The following MDGA2 variants were observed in gnomAD, a reference collection of about 807,000 sequenced individuals.
MDGA2 encodes MAM domain containing glycosylphosphatidylinositol anchor 2.
Under a neutral mutation model 117.8 loss-of-function variants are expected in MDGA2, and 40 were observed. The ratio of observed to expected loss-of-function variants is 0.34; its 90% CI spans 0.26 to 0.44. The LOEUF is 0.44. Ranked by LOEUF, MDGA2 falls within the 20% of genes least tolerant of loss-of-function variation. The pLI is 1.00. For synonymous variants in MDGA2, 452 were observed against 439.0 expected, an observed-to-expected ratio of 1.03 and a Z score of -0.37; for missense variants, 1,123 against 1,250.6, an observed-to-expected ratio of 0.90 and a Z score of 1.54.
chr14:47,097,189 G>A (rs1472519684), intron 5 of MDGA2, 66 bp from the exon 6 acceptor site: 9 of 1,518,722 alleles, frequency 5.9e-6, no homozygotes, highest in South Asian at 1.2e-5. Context: ...TCAACAGCAT[G>A]CATTATATTG....
Position 47,539,425 on chromosome 14 carries a change from G to A in MDGA2, c.280+135092C>T, listed in dbSNP as rs562061381. The stretch of plus-strand genomic sequence containing the variant: ...ATGTACAAAGGAGAAACACTTGGAG[G>A]GTCTAACTCCATTACAGCGGAGCAG... On this transcript the variant is annotated intron_variant, in intron 1 of 16. Coordinates refer to ENST00000399232, the MANE Select transcript of MDGA2 (RefSeq NM_001113498.3). Among the ~76,000 whole-genome samples, 34 of 152,224 alleles carry A rather than the reference G, an allele frequency of 2.2e-4. No homozygotes were observed. The South Asian group carries it at 6.4e-3, about 29-fold the overall frequency.
At chr14:47,077,353 C>T (rs934359678) in intron 6 of MDGA2, among the ~76,000 whole-genome samples, 8 of 152,076 alleles carry the variant, frequency 5.3e-5, no homozygotes, top group South Asian at 2.1e-4. Context: ...TAATTTGCTA[C>T]GCTGCCTCTT....
At chr14:46,886,004 G>T (rs1228657831) in intron 10 of MDGA2, among the ~76,000 whole-genome samples, 1 of 152,060 alleles carries the variant, frequency 6.6e-6, no homozygotes, top group African/African-American at 2.4e-5. Flanking sequence ...TTCAAAAGAC[G>T]TTTGCTATGC....
intron 10 of MDGA2, among the ~76,000 whole-genome samples, chr14:46,908,697 A>C (rs1454994348): frequency 4.6e-5 from 7 of 152,182 alleles, no homozygotes; most frequent in African/African-American, 1.7e-4. Context: ...TCCTGAACAT[A>C]ATTTAGGGTT....
At chr14:47,214,322 C>T (rs1395722920) in intron 3 of MDGA2, among the ~76,000 whole-genome samples, 2 of 152,062 alleles carry the variant, frequency 1.3e-5, no homozygotes, top group African/African-American at 4.8e-5. Context: ...AAATTCAAGT[C>T]ACTGTGTGGT....
chr14:47,531,018 G>C (rs1011668253), intron 1 of MDGA2, among the ~76,000 whole-genome samples: 1 of 152,130 alleles, frequency 6.6e-6, no homozygotes, highest in Admixed American at 6.5e-5. Flanking sequence ...GGCCGAGGTG[G>C]GCGGATCACA....
intron 1 of MDGA2, among the ~76,000 whole-genome samples, chr14:47,599,686 C>G (rs1312772617): frequency 6.6e-6 from 1 of 152,070 alleles, no homozygotes; most frequent in Non-Finnish European, 1.5e-5. Context: ...AAGTGTGTCC[C>G]CATCTCTTCC....
At chr14:47,535,849 G>T (rs962772690) in intron 1 of MDGA2, among the ~76,000 whole-genome samples, 2 of 152,206 alleles carry the variant, frequency 1.3e-5, no homozygotes, top group African/African-American at 4.8e-5. Flanking sequence ...AAACTCAGTG[G>T]TTTAAAACAA....
intron 1 of MDGA2, among the ~76,000 whole-genome samples, chr14:47,549,215 G>A (rs1361291271): frequency 1.3e-5 from 2 of 152,144 alleles, no homozygotes; most frequent in Non-Finnish European, 2.9e-5. Context: ...GCAAAAAAAT[G>A]CCACAAAGTT....
intron 1 of MDGA2, among the ~76,000 whole-genome samples, chr14:47,528,106 T>A (rs1382314121): frequency 6.6e-6 from 1 of 152,136 alleles, no homozygotes; most frequent in Non-Finnish European, 1.5e-5. Context: ...CAAGCACACA[T>A]GAAACTTAAG....
chr14:47,420,879 T>C (rs1050768670), intron 1 of MDGA2, among the ~76,000 whole-genome samples: 1 of 152,038 alleles, frequency 6.6e-6, no homozygotes, highest in African/African-American at 2.4e-5. Context: ...ATTTCCTCTA[T>C]CAGGAAGAGC....
At chr14:47,151,567 T>C (rs961219334) in intron 3 of MDGA2, among the ~76,000 whole-genome samples, 4 of 152,154 alleles carry the variant, frequency 2.6e-5, no homozygotes, top group African/African-American at 9.7e-5. Context: ...CACTGAACTC[T>C]CTTCTGTTAT....
chr14:46,996,938 TG>T (rs1887316484), intron 8 of MDGA2: 7 of 394,648 alleles, frequency 1.8e-5, no homozygotes, highest in South Asian at 1.6e-4. Flanking sequence ...AACCCAGGAA[TG>T]GGTGAAGTAG....
intron 1 of MDGA2, among the ~76,000 whole-genome samples, chr14:47,307,922 A>G (rs1185125531): frequency 6.6e-6 from 1 of 152,160 alleles, no homozygotes; most frequent in Non-Finnish European, 1.5e-5. Flanking sequence ...TCTTAACTAG[A>G]GAAGCTAAAG....
intron 3 of MDGA2, among the ~76,000 whole-genome samples, chr14:47,154,525 G>T (rs1304539019): frequency 6.6e-6 from 1 of 152,188 alleles, no homozygotes; most frequent in Non-Finnish European, 1.5e-5. Context: ...CCCTGCCCCT[G>T]CATGCTTGGA....
chr14:47,486,957 T>C (rs953473534), intron 1 of MDGA2, among the ~76,000 whole-genome samples: 1 of 152,202 alleles, frequency 6.6e-6, no homozygotes, highest in African/African-American at 2.4e-5. Flanking sequence ...ATTAATACTG[T>C]GGGTTGTTTT....
intron 9 of MDGA2, among the ~76,000 whole-genome samples, chr14:46,922,301 G>A (rs924644705): frequency 5.3e-5 from 8 of 152,150 alleles, no homozygotes; most frequent in Non-Finnish European, 1.0e-4. Context: ...CCCTTTATTC[G>A]AGGTATTTAG....
chr14:47,213,114 C>T (rs896860651), intron 3 of MDGA2, among the ~76,000 whole-genome samples: 1 of 152,072 alleles, frequency 6.6e-6, no homozygotes. Flanking sequence ...GTAGTATCCT[C>T]AGCAAGGGTG....
intron 1 of MDGA2, among the ~76,000 whole-genome samples, chr14:47,420,777 G>A (rs1892562130): frequency 1.3e-5 from 2 of 151,962 alleles, no homozygotes; most frequent in South Asian, 4.2e-4. Context: ...ATTTTCCTTA[G>A]ATTCAAAAGC....
Sources: allele counts gnomAD v4.1 joint callset (sites outside exome capture counted in the v4.1 genomes callset), GRCh38; gene constraint gnomAD v4.1.1; transcripts MANE v1.5; gene names NCBI Gene and HGNC (gene_info 2026-07-23, HGNC 2026-07-21).